Variants in CPA6 observed in about 807,000 individuals in gnomAD.
CPA6 encodes the protein carboxypeptidase A6.
In CPA6, 58 loss-of-function variants were observed where a neutral mutation model predicts 63.3. That is an observed-to-expected ratio of 0.92 (90% CI 0.74 to 1.14). The LOEUF is 1.14. Ranked by LOEUF, CPA6 falls within the 50% of genes most tolerant of loss-of-function variation. The pLI is 0.00. For missense variants in CPA6, 565 were observed against 526.6 expected, an observed-to-expected ratio of 1.07 and a Z score of -0.71; for synonymous variants, 185 against 179.0, an observed-to-expected ratio of 1.03 and a Z score of -0.27.
intron 8 of CPA6, among the ~76,000 whole-genome samples, chr8:67,460,103 T>C (rs141361169): frequency 6.6e-6 from 1 of 152,342 alleles, no homozygotes; most frequent in African/African-American, 2.4e-5. Flanking sequence ...GGTGCCTCTA[T>C]TTCTTGGCTT....
At chr8:67,451,168 C>T (rs754682967) in intron 8 of CPA6, among the ~76,000 whole-genome samples, 17 of 152,118 alleles carry the variant, frequency 1.1e-4, no homozygotes, top group Non-Finnish European at 1.6e-4. Context: ...GGCCATGAAC[C>T]GGTACCAGTC....
intron 2 of CPA6, among the ~76,000 whole-genome samples, chr8:67,541,648 G>T (rs1467682846): frequency 6.6e-6 from 1 of 152,108 alleles, no homozygotes; most frequent in African/African-American, 2.4e-5. Flanking sequence ...CGAAGCTCCC[G>T]GCTGAATAAA....
Position 67,644,644 on chromosome 8 carries a change from T to G in CPA6, c.117-20393A>C, listed in dbSNP as rs1359544763. Among the ~76,000 whole-genome samples, 3 of 152,228 alleles carry G rather than the reference T, an allele frequency of 2.0e-5. No individual in the cohort carries two copies. In the East Asian group the frequency reaches 5.8e-4, roughly 29 times the overall value. On this transcript the variant is annotated intron_variant, in intron 1 of 10. Transcript: ENST00000297770. ...CGGAACTTGAAGAGGGATTGCAGACTGTGGGGACTTTTAGGATTTGGGAGT... is the reference window on the plus strand; with the variant it reads ...CGGAACTTGAAGAGGGATTGCAGACGGTGGGGACTTTTAGGATTTGGGAGT...
chr8:67,664,058 G>C (rs369344533), intron 1 of CPA6, among the ~76,000 whole-genome samples: 1 of 152,102 alleles, frequency 6.6e-6, no homozygotes, highest in Admixed American at 6.5e-5. Flanking sequence ...AGAAATGAAG[G>C]TTCTCATTTT....
rs529547510 is a variant in CPA6 at position 67,633,470 on chromosome 8, A to C, written c.117-9219T>G. On this transcript the variant is annotated intron_variant, in intron 1 of 10. Coordinates refer to ENST00000297770, the MANE Select transcript of CPA6 (RefSeq NM_020361.5). ...GCCAAGGCGGGTGGATCACGAGGTC[A>C]GGAGATCGAGACCATCATGGCTAAC... Among the ~76,000 whole-genome samples the C allele has an allele frequency of 7.0e-3, 1,067 of 152,292 alleles. 15 individuals carry two copies. Among genetic ancestry groups the C allele is most frequent in the African/African-American group, 0.024 (1,016 of 41,570 alleles).
chr8:67,542,811 C>G (rs1172177709), intron 2 of CPA6, among the ~76,000 whole-genome samples: 1 of 152,198 alleles, frequency 6.6e-6, no homozygotes, highest in African/African-American at 2.4e-5. Context: ...ACTCTAGGCT[C>G]AGCTTGGCCA....
At chr8:67,641,255 G>A (rs1273586287) in intron 1 of CPA6, among the ~76,000 whole-genome samples, 1 of 151,828 alleles carries the variant, frequency 6.6e-6, no homozygotes, top group Non-Finnish European at 1.5e-5. Flanking sequence ...TTGAAAAACA[G>A]GTTGGATTGG....
At chr8:67,739,278 T>A (rs1209352368) in intron 1 of CPA6, among the ~76,000 whole-genome samples, 3 of 152,162 alleles carry the variant, frequency 2.0e-5, no homozygotes, top group Non-Finnish European at 1.5e-5. Flanking sequence ...ACACAGAACA[T>A]ACTGCAGGGA....
chr8:67,650,540 G>T (rs1211716363), intron 1 of CPA6, among the ~76,000 whole-genome samples: 2 of 152,050 alleles, frequency 1.3e-5, no homozygotes, highest in African/African-American at 4.8e-5. Flanking sequence ...CACTCTACTT[G>T]GACCAAATAA....
chr8:67,661,287 G>A (rs1027003450), intron 1 of CPA6, among the ~76,000 whole-genome samples: 4 of 152,172 alleles, frequency 2.6e-5, no homozygotes, highest in South Asian at 2.1e-4. Context: ...ACGTGGGAAC[G>A]CAGCTGGTGA....
intron 2 of CPA6, among the ~76,000 whole-genome samples, chr8:67,541,119 G>A (rs1389511039): frequency 6.6e-6 from 1 of 151,982 alleles, no homozygotes; most frequent in Non-Finnish European, 1.5e-5. Context: ...CTAGCTTGGT[G>A]TCTGCCCAAA....
chr8:67,624,365 C>A (rs1040599018), intron 1 of CPA6, 114 bp from the exon 2 acceptor site: 5 of 553,626 alleles, frequency 9.0e-6, no homozygotes, highest in South Asian at 7.7e-5. Context: ...AACAGTGAAA[C>A]TTTTCACTGG....
intron 2 of CPA6, among the ~76,000 whole-genome samples, chr8:67,526,752 T>C (rs1812372302): frequency 6.6e-6 from 1 of 152,166 alleles, no homozygotes; most frequent in African/African-American, 2.4e-5. Flanking sequence ...CAGTGACTCC[T>C]GACTTTGGCA....
At chr8:67,664,599 CCTTT>C (rs924185635) in intron 1 of CPA6, among the ~76,000 whole-genome samples, 2 of 152,094 alleles carry the variant, frequency 1.3e-5, no homozygotes, top group Non-Finnish European at 2.9e-5. Context: ...CTGCCCCCTG[CCTTT>C]TTTTTCTTTT....
At chr8:67,660,639 G>A (rs1361954412) in intron 1 of CPA6, among the ~76,000 whole-genome samples, 9 of 151,394 alleles carry the variant, frequency 5.9e-5, no homozygotes, top group East Asian at 1.9e-4. Context: ...CTCTATGCCC[G>A]GCCTGTATTA....
At chr8:67,658,088 G>C (rs767421812) in intron 1 of CPA6, among the ~76,000 whole-genome samples, 2 of 151,890 alleles carry the variant, frequency 1.3e-5, no homozygotes, top group East Asian at 1.9e-4. Context: ...TGTCTTTTTT[G>C]TTCCTCCTAC....
At chr8:67,590,815 T>G (rs1308620482) in intron 2 of CPA6, among the ~76,000 whole-genome samples, 2 of 150,832 alleles carry the variant, frequency 1.3e-5, no homozygotes, top group African/African-American at 4.9e-5. Flanking sequence ...GTTGCGAAAA[T>G]TTTCTCCCAT....
intron 2 of CPA6, among the ~76,000 whole-genome samples, chr8:67,622,032 T>C (rs1322584104): frequency 6.6e-6 from 1 of 152,244 alleles, no homozygotes; most frequent in Non-Finnish European, 1.5e-5. Context: ...CTCACAGATG[T>C]AATTTTATTG....
At chr8:67,481,457 A>T (rs1811359232) in intron 8 of CPA6, among the ~76,000 whole-genome samples, 1 of 152,256 alleles carries the variant, frequency 6.6e-6, no homozygotes, top group South Asian at 2.1e-4. Flanking sequence ...GTATTCAAAA[A>T]GTATGCCTGT....
Sources: allele counts gnomAD v4.1 joint callset (sites outside exome capture counted in the v4.1 genomes callset), GRCh38; gene constraint gnomAD v4.1.1; transcripts MANE v1.5; gene names NCBI Gene and HGNC (gene_info 2026-07-23, HGNC 2026-07-21).